The following UBP1 variants were observed in gnomAD, a reference collection of about 807,000 sequenced individuals.
UBP1 encodes the protein upstream-binding protein 1.
Under a neutral mutation model 76.1 loss-of-function variants are expected in UBP1, and 22 were observed. That is an observed-to-expected ratio of 0.29 (90% CI 0.21 to 0.41). The LOEUF (loss-of-function observed/expected upper bound fraction) is 0.41, where lower values mean the gene tolerates loss of function less well. UBP1 is among the 10% of genes least tolerant of loss of function. The pLI is 1.00. For synonymous variants in UBP1, 224 were observed against 237.1 expected, an observed-to-expected ratio of 0.94 and a Z score of 0.51; for missense variants, 436 against 668.1, an observed-to-expected ratio of 0.65 and a Z score of 3.83.
intron 2 of UBP1, among the ~76,000 whole-genome samples, chr3:33,423,048 T>G (rs960104750): frequency 1.3e-4 from 19 of 151,366 alleles, no homozygotes; most frequent in Non-Finnish European, 1.2e-4. Flanking sequence ...AAAGTTTGTT[T>G]TTTTTTTTTT....
chr3:33,407,695 T>A (rs2044464687), intron 8 of UBP1, among the ~76,000 whole-genome samples: 1 of 152,220 alleles, frequency 6.6e-6, no homozygotes, highest in Non-Finnish European at 1.5e-5. Flanking sequence ...CTTGTGATAG[T>A]GCTTGTGACA....
intron 8 of UBP1, among the ~76,000 whole-genome samples, chr3:33,406,177 T>C (rs1033869754): frequency 6.6e-6 from 1 of 152,146 alleles, no homozygotes; most frequent in African/African-American, 2.4e-5. Flanking sequence ...TACTCAGAAG[T>C]CTGAGGCAGG....
At chr3:33,439,331 G>A (rs1008464482) in intron 1 of UBP1, among the ~76,000 whole-genome samples, 5 of 152,246 alleles carry the variant, frequency 3.3e-5, no homozygotes, top group African/African-American at 4.8e-5. Flanking sequence ...AGTAGGAACT[G>A]ATCCCAAAAC....
chr3:33,438,185 G>A (rs1247645006), intron 1 of UBP1, among the ~76,000 whole-genome samples: 3 of 152,190 alleles, frequency 2.0e-5, no homozygotes, highest in African/African-American at 7.2e-5. Flanking sequence ...ACATTAATAA[G>A]TTGGCTGAAT....
chr3:33,393,502 A>T (rs760470687), intron 13 of UBP1, 48 bp from the exon 14 acceptor site: 2 of 1,565,092 alleles, frequency 1.3e-6, no homozygotes, highest in South Asian at 1.2e-5. Flanking sequence ...GTAATCTTTG[A>T]TCTGTTTTCT....
chr3:33,412,310 C>T (rs1220118319), intron 4 of UBP1, among the ~76,000 whole-genome samples: 1 of 151,556 alleles, frequency 6.6e-6, no homozygotes, highest in Non-Finnish European at 1.5e-5. Context: ...AAACAACTCT[C>T]TCGGTTCTTT....
chr3:33,392,841 T>TG, intron 14 of UBP1: 1 of 452,812 alleles, frequency 2.2e-6, no homozygotes, highest in Non-Finnish European at 3.9e-6. Flanking sequence ...GTCACCCATG[T>TG]GACCCACAGG....
chr3:33,428,235 A>G lies in UBP1; in HGVS notation c.114-2494T>C, dbSNP rs893245368. Among the ~76,000 whole-genome samples the G allele has an allele frequency of 7.9e-5, 12 of 151,802 alleles. No individual in the cohort carries two copies. The South Asian group carries it at 1.9e-3, about 24-fold the overall frequency. ...GATCACCTCTTTATAAAAATCAGTCATAACAGTCAAATTGGCTCCAGGGAA... is the reference window on the plus strand; with the variant it reads ...GATCACCTCTTTATAAAAATCAGTCGTAACAGTCAAATTGGCTCCAGGGAA... On this transcript the variant is annotated intron_variant, in intron 1 of 15. Coordinates refer to ENST00000283629, the MANE Select transcript of UBP1 (RefSeq NM_014517.5).
At chr3:33,438,229 AG>A (rs1220516755) in intron 1 of UBP1, among the ~76,000 whole-genome samples, 1 of 152,264 alleles carries the variant, frequency 6.6e-6, no homozygotes. Flanking sequence ...ATAAAACCCT[AG>A]AAAAAAGTAA....
intron 1 of UBP1, among the ~76,000 whole-genome samples, chr3:33,433,814 G>A (rs1198953884): frequency 6.6e-6 from 1 of 152,042 alleles, no homozygotes; most frequent in Non-Finnish European, 1.5e-5. Context: ...TTGGGAGTTT[G>A]TGGCAGGAGA....
At chr3:33,423,348 T>G (rs370356631) in intron 2 of UBP1, among the ~76,000 whole-genome samples, 1 of 151,114 alleles carries the variant, frequency 6.6e-6, no homozygotes, top group African/African-American at 2.4e-5. Context: ...CCATATTTTT[T>G]AAAATTACTA....
chr3:33,424,045 G>A (rs987883728), intron 2 of UBP1, among the ~76,000 whole-genome samples: 18 of 152,262 alleles, frequency 1.2e-4, no homozygotes, highest in South Asian at 2.1e-4. Flanking sequence ...GAACTTAATC[G>A]ACTATTCCAC....
At chr3:33,434,557 G>A (rs928027481) in intron 1 of UBP1, among the ~76,000 whole-genome samples, 1 of 151,714 alleles carries the variant, frequency 6.6e-6, no homozygotes, top group Non-Finnish European at 1.5e-5. Context: ...AAAGTGCTGG[G>A]ATTACAAGCG....
intron 1 of UBP1, among the ~76,000 whole-genome samples, chr3:33,428,181 C>CAAAAAAAAAAAAAAAAAAAAAAAAAAA (rs59049122): frequency 1.7e-5 from 1 of 57,234 alleles, no homozygotes; most frequent in Non-Finnish European, 3.4e-5. Flanking sequence ...GATTCCATCT[C>CAAAAAAAAAAAAAAAAAAAAAAAAAAA]AAAAAAAAAA....
rs1246305406 is a variant in UBP1 at position 33,425,675 on chromosome 3, C to T, written c.180G>A (p.Glu60=). ...DSSLPLDGET[E]HPPFQYVMCA... ...ACATCACATACTGAAAGGGTGGGTG[C>T]TCTGTTTCACCATCCAATGGAAGGC... Residue 60 remains glutamate, a synonymous_variant, in exon 2 of 16, where the codon GAG becomes GAA. Coordinates refer to ENST00000283629, the MANE Select transcript of UBP1 (RefSeq NM_014517.5). 1.2e-6 allele frequency: 2 copies of T among 1,603,126 alleles called. No homozygotes were observed. The highest frequency in any genetic ancestry group is 1.7e-4 in the Middle Eastern group (1 of 6,026).
intron 1 of UBP1, among the ~76,000 whole-genome samples, chr3:33,431,374 T>C (rs1314591997): frequency 6.6e-6 from 1 of 152,124 alleles, no homozygotes; most frequent in African/African-American, 2.4e-5. Context: ...GAAGCCCAAA[T>C]GACCAAACCA....
intron 1 of UBP1, among the ~76,000 whole-genome samples, chr3:33,429,549 G>C (rs2045079183): frequency 6.6e-6 from 1 of 152,030 alleles, no homozygotes; most frequent in Non-Finnish European, 1.5e-5. Context: ...GGCTGATTTT[G>C]AACTCCTGGC....
intron 10 of UBP1, 82 bp downstream of exon 10, chr3:33,400,880 C>A: frequency 7.5e-7 from 1 of 1,341,654 alleles, no homozygotes; most frequent in Non-Finnish European, 1.0e-6. Context: ...TTCTCACCTA[C>A]TCCATACATT....
At chr3:33,416,944 G>T in intron 2 of UBP1, 110 bp from the exon 3 acceptor site, 1 of 930,062 alleles carries the variant, frequency 1.1e-6, no homozygotes, top group Admixed American at 2.5e-5. Context: ...ATGATAGTTT[G>T]TTAATTTGCT....
Sources: allele counts gnomAD v4.1 joint callset (sites outside exome capture counted in the v4.1 genomes callset), GRCh38; gene constraint gnomAD v4.1.1; transcripts MANE v1.5; gene names NCBI Gene and HGNC (gene_info 2026-07-23, HGNC 2026-07-21).